The following PTPRM variants were observed in gnomAD, a reference collection of about 807,000 sequenced individuals.
PTPRM encodes protein tyrosine phosphatase receptor type M.
PTPRM carries 47 observed loss-of-function variants against 186.7 expected under a neutral mutation model. That is an observed-to-expected ratio of 0.25 (90% CI 0.20 to 0.32). PTPRM has a LOEUF of 0.32. PTPRM is among the 10% of genes least tolerant of loss of function. PTPRM has a pLI of 1.00. For synonymous variants in PTPRM, 668 were observed against 674.9 expected, an observed-to-expected ratio of 0.99 and a Z score of 0.16; for missense variants, 1,494 against 1,865.0, an observed-to-expected ratio of 0.80 and a Z score of 3.66.
chr18:8,285,739 C>T (rs1377346642), intron 19 of PTPRM, among the ~76,000 whole-genome samples: 5 of 152,166 alleles, frequency 3.3e-5, no homozygotes, highest in African/African-American at 1.2e-4. Flanking sequence ...CGACTGTAAT[C>T]CCAACACTTT....
intron 4 of PTPRM, among the ~76,000 whole-genome samples, chr18:7,909,820 T>C (rs936277146): frequency 3.3e-5 from 5 of 152,208 alleles, no homozygotes; most frequent in Admixed American, 2.0e-4. Context: ...AAATTGACTT[T>C]AGTGACAATA....
intron 13 of PTPRM, among the ~76,000 whole-genome samples, chr18:8,115,064 A>G (rs777112843): frequency 6.6e-6 from 1 of 152,206 alleles, no homozygotes; most frequent in Non-Finnish European, 1.5e-5. Context: ...CTGTGTTCCA[A>G]GCAGTTTTCA....
chr18:7,587,592 C>T (rs11876552), intron 1 of PTPRM, among the ~76,000 whole-genome samples: 7,008 of 152,136 alleles, frequency 0.046, 544 homozygotes, highest in African/African-American at 0.16. Flanking sequence ...CAAAGATTTC[C>T]TCAATGACTG....
At chr18:7,875,366 C>G (rs1300170335) in intron 2 of PTPRM, among the ~76,000 whole-genome samples, 2 of 150,944 alleles carry the variant, frequency 1.3e-5, no homozygotes, top group Non-Finnish European at 3.0e-5. Flanking sequence ...CTCTATTGCC[C>G]AGGCTGGAGT....
chr18:8,172,704 A>G (rs960111094), intron 14 of PTPRM, among the ~76,000 whole-genome samples: 30 of 152,220 alleles, frequency 2.0e-4, no homozygotes, highest in Middle Eastern at 3.4e-3. Context: ...CAAGAAAAAA[A>G]AAAAAGAAAA....
At chr18:7,988,865 A>G (rs1356425659) in intron 7 of PTPRM, among the ~76,000 whole-genome samples, 4 of 152,258 alleles carry the variant, frequency 2.6e-5, no homozygotes, top group Admixed American at 1.3e-4. Flanking sequence ...TAATGCTACT[A>G]TGAACATTAA....
intron 13 of PTPRM, among the ~76,000 whole-genome samples, chr18:8,129,422 A>T (rs1211901285): frequency 6.6e-6 from 1 of 152,204 alleles, no homozygotes; most frequent in African/African-American, 2.4e-5. Context: ...ATAGATACCA[A>T]TTGTGATATT....
intron 19 of PTPRM, 58 bp downstream of exon 19, chr18:8,253,472 A>G (rs1474705548): frequency 7.5e-7 from 1 of 1,342,076 alleles, no homozygotes; most frequent in Non-Finnish European, 9.7e-7. Context: ...CATGCCAGGT[A>G]CTGTGCTCCC....
At chr18:8,093,518 T>C (rs550293152) in intron 11 of PTPRM, among the ~76,000 whole-genome samples, 4 of 152,348 alleles carry the variant, frequency 2.6e-5, no homozygotes, top group African/African-American at 9.6e-5. Flanking sequence ...AACAGAATCA[T>C]AAATAGAATT....
chr18:8,248,086 C>T, intron 16 of PTPRM, 64 bp from the exon 17 acceptor site: 2 of 1,457,116 alleles, frequency 1.4e-6, no homozygotes, highest in South Asian at 1.1e-5. Context: ...GGGCATTCAT[C>T]AATCATTTAC....
chr18:7,840,648 G>A (rs2046276802), intron 2 of PTPRM, among the ~76,000 whole-genome samples: 1 of 152,202 alleles, frequency 6.6e-6, no homozygotes, highest in African/African-American at 2.4e-5. Context: ...GCAGGAAATT[G>A]ACAAATGATC....
chr18:7,581,184 A>G (rs2036835942), intron 1 of PTPRM, among the ~76,000 whole-genome samples: 2 of 152,210 alleles, frequency 1.3e-5, no homozygotes, highest in Non-Finnish European at 2.9e-5. Flanking sequence ...CTCTTGTAAC[A>G]GGTAACAGAG....
chr18:8,304,663 T>C (rs1404393112), intron 20 of PTPRM, among the ~76,000 whole-genome samples: 1 of 152,174 alleles, frequency 6.6e-6, no homozygotes, highest in Non-Finnish European at 1.5e-5. Context: ...TAGATTTCTT[T>C]TTCTCCAATT....
chr18:7,642,176 A>G (rs1378555931), intron 1 of PTPRM, among the ~76,000 whole-genome samples: 2 of 152,178 alleles, frequency 1.3e-5, no homozygotes, highest in Admixed American at 6.5e-5. Flanking sequence ...ACCAAAATAG[A>G]GAGTGCCCTT....
intron 1 of PTPRM, among the ~76,000 whole-genome samples, chr18:7,766,388 G>A (rs1051777196): frequency 3.3e-5 from 5 of 152,228 alleles, no homozygotes; most frequent in Non-Finnish European, 7.3e-5. Context: ...AATAGTGGAT[G>A]TATGGAGCTG....
chr18:8,295,461 A>G lies in PTPRM; in HGVS notation c.2755-907A>G, dbSNP rs374230003. On this transcript the variant is annotated intron_variant, in intron 19 of 32. Transcript: ENST00000580170. ...AGCACATCTGAGGACACGAGTCCCT[A>G]ATGCCATGTTCTCTGGCCCCAAAGC... 1.2e-4 allele frequency among the ~76,000 whole-genome samples: 19 copies of G among 152,210 alleles called. 1 individual carries two copies. The South Asian group carries it at 4.0e-3, about 32-fold the overall frequency.
intron 2 of PTPRM, among the ~76,000 whole-genome samples, chr18:7,857,632 G>T (rs2047156773): frequency 6.6e-6 from 1 of 152,124 alleles, no homozygotes; most frequent in African/African-American, 2.4e-5. Context: ...ATGGAGCATG[G>T]TACAGGTATC....
At chr18:8,383,136 A>G (rs1259471107) in intron 29 of PTPRM, among the ~76,000 whole-genome samples, 4 of 151,776 alleles carry the variant, frequency 2.6e-5, no homozygotes, top group African/African-American at 7.3e-5. Context: ...CCTCTCCACT[A>G]AAAATACAAA....
chr18:8,270,810 A>G (rs569238890), intron 19 of PTPRM, among the ~76,000 whole-genome samples: 1 of 152,312 alleles, frequency 6.6e-6, no homozygotes, highest in Non-Finnish European at 1.5e-5. Context: ...AGTCATAGAA[A>G]CAGAGTAGAA....
Sources: gnomAD v4.1 joint callset for allele counts (sites outside exome capture counted in the v4.1 genomes callset) on GRCh38, gnomAD v4.1.1 for gene constraint, MANE v1.5 for transcripts, NCBI Gene and HGNC (gene_info 2026-07-23, HGNC 2026-07-21) for gene names.